Variants in ANKFN1 observed in about 807,000 individuals in gnomAD.
ANKFN1 encodes the protein ankyrin repeat and fibronectin type-III domain-containing protein 1.
Under a neutral mutation model 108.7 loss-of-function variants are expected in ANKFN1, and 74 were observed. The observed-to-expected ratio is 0.68, with a 90% CI of 0.56 to 0.83. The LOEUF is 0.83. Ranked by LOEUF, ANKFN1 falls within the 40% of genes least tolerant of loss-of-function variation. The pLI is 0.00. For synonymous variants in ANKFN1, 547 were observed against 516.2 expected (o/e 1.06, Z -0.81); for missense variants, 1,505 against 1,382.3 (o/e 1.09, Z -1.41).
chr17:56,281,433 G>A (rs537993476), intron 3 of ANKFN1, among the ~76,000 whole-genome samples: 1 of 152,058 alleles, frequency 6.6e-6, no homozygotes, highest in African/African-American at 2.4e-5. Flanking sequence ...AAATGTATAA[G>A]CTAAAATTAT....
chr17:56,165,192 A>T (rs1051159746), intron 1 of ANKFN1, among the ~76,000 whole-genome samples: 1 of 152,170 alleles, frequency 6.6e-6, no homozygotes, highest in African/African-American at 2.4e-5. Flanking sequence ...CCAAATGCAG[A>T]TTCCTTTAGG....
intron 10 of ANKFN1, among the ~76,000 whole-genome samples, chr17:56,447,892 T>G (rs1313987700): frequency 6.6e-6 from 1 of 152,224 alleles, no homozygotes; most frequent in Non-Finnish European, 1.5e-5. Context: ...GGAGTCAGGA[T>G]TCACACCTGT....
chr17:56,418,049 A>G (rs140572641), intron 8 of ANKFN1, among the ~76,000 whole-genome samples: 4 of 152,290 alleles, frequency 2.6e-5, no homozygotes, highest in African/African-American at 9.6e-5. Context: ...CTACTATCCA[A>G]TAGAAATCGT....
chr17:56,275,691 G>A (rs189370318), intron 3 of ANKFN1, among the ~76,000 whole-genome samples: 59 of 152,242 alleles, frequency 3.9e-4, no homozygotes, highest in African/African-American at 1.3e-3. Context: ...TTAGGGTGAA[G>A]TCTAGTCTTG....
At chr17:56,263,448 T>A (rs1043460074) in intron 3 of ANKFN1, among the ~76,000 whole-genome samples, 1 of 152,210 alleles carries the variant, frequency 6.6e-6, no homozygotes, top group African/African-American at 2.4e-5. Flanking sequence ...CTTGTAAATA[T>A]TTGCAATTTT....
chr17:56,211,139 G>A (rs1289878045), intron 1 of ANKFN1, among the ~76,000 whole-genome samples: 1 of 152,130 alleles, frequency 6.6e-6, no homozygotes, highest in Non-Finnish European at 1.5e-5. Context: ...TGTTTTTGTT[G>A]CATTTGATTT....
intron 8 of ANKFN1, among the ~76,000 whole-genome samples, chr17:56,389,499 T>A (rs1277587941): frequency 6.6e-6 from 1 of 152,222 alleles, no homozygotes; most frequent in Non-Finnish European, 1.5e-5. Context: ...TAGGTAGGCA[T>A]GTGTGTTGGT....
At chr17:56,047,047 G>T (rs1475529442) in intron 4 of ANKFN1, among the ~76,000 whole-genome samples, 2 of 152,110 alleles carry the variant, frequency 1.3e-5, no homozygotes, top group African/African-American at 4.8e-5. Flanking sequence ...GATTGAAGTT[G>T]AAAGGAGACA....
At chr17:56,188,416 G>A (rs1337246879) in intron 1 of ANKFN1, among the ~76,000 whole-genome samples, 1 of 151,064 alleles carries the variant, frequency 6.6e-6, no homozygotes, top group Admixed American at 6.6e-5. Context: ...GCCTTTTTCA[G>A]CTTCTAGAGG....
chr17:56,155,144 A>C (rs990314750), intron 1 of ANKFN1, among the ~76,000 whole-genome samples: 5 of 152,206 alleles, frequency 3.3e-5, no homozygotes, highest in Non-Finnish European at 5.9e-5. Context: ...TAGAGCAAAA[A>C]GTGGCTCAGA....
intron 8 of ANKFN1, among the ~76,000 whole-genome samples, chr17:56,388,574 A>G (rs995566370): frequency 1.3e-5 from 2 of 152,238 alleles, no homozygotes; most frequent in African/African-American, 2.4e-5. Context: ...CTATGTTTAT[A>G]CATTATGAGT....
intron 15 of ANKFN1, among the ~76,000 whole-genome samples, chr17:56,474,099 C>T (rs1000624992): frequency 5.9e-5 from 9 of 152,106 alleles, no homozygotes; most frequent in African/African-American, 2.2e-4. Context: ...CAAAACCATA[C>T]CAAATTTGGG....
At chr17:56,305,161 C>G (rs1195935009) in intron 3 of ANKFN1, among the ~76,000 whole-genome samples, 1 of 152,066 alleles carries the variant, frequency 6.6e-6, no homozygotes, top group Non-Finnish European at 1.5e-5. Context: ...AGGGAAAAGC[C>G]CCTTATGAAA....
intron 3 of ANKFN1, among the ~76,000 whole-genome samples, chr17:56,236,462 G>A (rs1917161702): frequency 6.6e-6 from 1 of 152,150 alleles, no homozygotes; most frequent in Admixed American, 6.5e-5. Flanking sequence ...AATTGTGAAT[G>A]GGATTGCATT....
chr17:56,282,005 A>G (rs925599342), intron 3 of ANKFN1, among the ~76,000 whole-genome samples: 2 of 152,192 alleles, frequency 1.3e-5, no homozygotes, highest in African/African-American at 4.8e-5. Flanking sequence ...GATAAAGGAA[A>G]ACGTATGTCC....
intron 8 of ANKFN1, among the ~76,000 whole-genome samples, chr17:56,433,060 C>T (rs1180792138): frequency 6.6e-6 from 1 of 152,088 alleles, no homozygotes; most frequent in Non-Finnish European, 1.5e-5. Flanking sequence ...CATATATATG[C>T]ATATAAGTCT....
At chr17:56,248,005 A>C (rs942826227) in intron 3 of ANKFN1, among the ~76,000 whole-genome samples, 2 of 152,214 alleles carry the variant, frequency 1.3e-5, no homozygotes, top group Non-Finnish European at 2.9e-5. Flanking sequence ...AATGCAACAC[A>C]TTGTCATTTC....
At chr17:56,046,806 A>G (rs1263840696) in intron 4 of ANKFN1, among the ~76,000 whole-genome samples, 1 of 152,200 alleles carries the variant, frequency 6.6e-6, no homozygotes, top group Non-Finnish European at 1.5e-5. Context: ...AAACAGCACC[A>G]AATCCAATAT....
At chr17:56,338,066 A>G (rs1456520918) in intron 4 of ANKFN1, among the ~76,000 whole-genome samples, 5 of 152,350 alleles carry the variant, frequency 3.3e-5, no homozygotes, top group East Asian at 1.9e-4. Flanking sequence ...ATGTCCATCA[A>G]TGATAGACTG....
Sources: gnomAD v4.1 joint callset for allele counts (sites outside exome capture counted in the v4.1 genomes callset) on GRCh38, gnomAD v4.1.1 for gene constraint, MANE v1.5 for transcripts, NCBI Gene and HGNC (gene_info 2026-07-23, HGNC 2026-07-21) for gene names.